Variants in ZNF169 observed in about 807,000 individuals in gnomAD.
ZNF169 encodes zinc finger protein 169.
ZNF169 carries 11 observed loss-of-function variants against 12.0 expected under a neutral mutation model. The ratio of observed to expected loss-of-function variants is 0.92; its 90% CI spans 0.58 to 1.52. The LOEUF is 1.52. Ranked by LOEUF, ZNF169 falls within the 40% of genes most tolerant of loss-of-function variation. The pLI is 0.00. For missense variants in ZNF169, 722 were observed against 744.0 expected (o/e 0.97, Z 0.34); for synonymous variants, 302 against 286.5 (o/e 1.05, Z -0.55).
In ZNF169 at chr9:94,301,063, C is replaced by G; in HGVS notation, c.1505C>G (p.Thr502Ser). 5 of 1,612,906 alleles carry G rather than the reference C, an allele frequency of 3.1e-6. No individual in the cohort carries two copies. Among genetic ancestry groups the G allele is most frequent in the Non-Finnish European group, 3.4e-6 (4 of 1,179,722 alleles). The change falls in exon 5 of 5, where the codon ACC becomes AGC. Residue 502 changes from threonine to serine, a missense_variant. Transcript: ENST00000395395. ...GRAFGFKSLL[T>S]RHQRTHSEEE... ...GCATTTGGCTTTAAGTCGCTCCTCA[C>G]CCGACACCAGAGGACACACTCAGAG...
At chr9:94,279,509 G>A (rs145769267) in intron 2 of ZNF169, among the ~76,000 whole-genome samples, 195 of 151,962 alleles carry the variant, frequency 1.3e-3, no homozygotes, top group African/African-American at 2.9e-3. Context: ...GGACAGTGGC[G>A]CGTGCCTGTA....
intron 2 of ZNF169, among the ~76,000 whole-genome samples, chr9:94,281,168 A>C (rs1476513058): frequency 1.3e-5 from 2 of 152,212 alleles, no homozygotes; most frequent in Non-Finnish European, 2.9e-5. Context: ...GTCAAAAACC[A>C]CTTGTTGCAT....
chr9:94,299,563 A>G, intron 4 of ZNF169: 5 of 1,339,096 alleles, frequency 3.7e-6, no homozygotes, highest in Non-Finnish European at 4.8e-6. Context: ...CCAAGAAAGG[A>G]AGATAAATGT....
chr9:94,290,309 A>G (rs1402285591), intron 2 of ZNF169, among the ~76,000 whole-genome samples: 1 of 152,234 alleles, frequency 6.6e-6, no homozygotes, highest in Non-Finnish European at 1.5e-5. Flanking sequence ...CAGTGGCATT[A>G]AGTACATTCA....
rs76382829 is a variant in ZNF169, at chr9:94,284,582, T to C, written c.33+5737T>C. 6.3e-3 allele frequency among the ~76,000 whole-genome samples: 956 copies of C among 152,172 alleles called. 12 individuals carry two copies. The highest frequency in any genetic ancestry group is 0.022 in the African/African-American group (909 of 41,522). On this transcript the variant is annotated intron_variant, in intron 2 of 4. Coordinates refer to ENST00000395395, the MANE Select transcript of ZNF169 (RefSeq NM_194320.4). ...AGGATACAAAGTAAACACACAAAAA[T>C]CTGTTGTATTTCTGTACATTTGCAA...
In ZNF169 at chr9:94,301,718, A is replaced by T. The variant is rs546112735; in HGVS notation, c.*348A>T. On this transcript the variant is annotated 3_prime_UTR_variant, in exon 5 of 5. Coordinates refer to ENST00000395395, the MANE Select transcript of ZNF169 (RefSeq NM_194320.4). ...CTCACGTGGGCTTTTTTCTGTGTGT[A>T]TGCTTTCCTGGTGTGGCTTCCTCCT... is the stretch of plus-strand genomic sequence containing the variant. 3.6e-4 allele frequency among the ~76,000 whole-genome samples: 55 copies of T among 152,168 alleles called. No individual in the cohort carries two copies. Among genetic ancestry groups the T allele is most frequent in the African/African-American group, 1.3e-3 (54 of 41,504 alleles).
intron 1 of ZNF169, among the ~76,000 whole-genome samples, chr9:94,270,897 TAATA>T (rs1172398151): frequency 9.7e-5 from 2 of 20,724 alleles, no homozygotes; most frequent in Non-Finnish European, 1.6e-4. Flanking sequence ...ATATATATAA[TAATA>T]TATATATTAT....
At chr9:94,267,497 C>T (rs1162524489) in intron 1 of ZNF169, among the ~76,000 whole-genome samples, 1 of 152,188 alleles carries the variant, frequency 6.6e-6, no homozygotes, top group Non-Finnish European at 1.5e-5. Flanking sequence ...TAAGAATACT[C>T]ACAGATAGTT....
At chr9:94,282,045 C>CA (rs1830649057) in intron 2 of ZNF169, among the ~76,000 whole-genome samples, 1 of 152,082 alleles carries the variant, frequency 6.6e-6, no homozygotes, top group African/African-American at 2.4e-5. Context: ...GGATTTTTCC[C>CA]ACAAGAGACT....
chr9:94,266,445 T>C (rs1830295550), intron 1 of ZNF169, among the ~76,000 whole-genome samples: 1 of 152,200 alleles, frequency 6.6e-6, no homozygotes, highest in Non-Finnish European at 1.5e-5. Context: ...TTGTTCCCAG[T>C]AGCAGTCTCT....
At chr9:94,292,016 A>C (rs1830850189) in intron 2 of ZNF169, among the ~76,000 whole-genome samples, 1 of 152,260 alleles carries the variant, frequency 6.6e-6, no homozygotes, top group South Asian at 2.1e-4. Context: ...GCTATTTTAG[A>C]ATAGCTAAAT....
chr9:94,301,124 A>T lies in ZNF169; in HGVS notation c.1566A>T (p.Gly522=), dbSNP rs776132485. The T allele has an allele frequency of 1.4e-5, 22 of 1,613,666 alleles. No homozygotes were observed. The East Asian group carries it at 4.7e-4, about 34-fold the overall frequency. The part of the protein sequence containing the change: ...ELYVDRVCGQ[G]LGQKSHLISD... ...ACGTAGACAGGGTGTGTGGACAAGG[A>T]CTTGGCCAGAAGTCACACCTTATCT... Residue 522 remains glycine (G), a synonymous_variant, in exon 5 of 5, where the codon GGA becomes GGT. Coordinates refer to ENST00000395395, the MANE Select transcript of ZNF169 (RefSeq NM_194320.4).
intron 2 of ZNF169, among the ~76,000 whole-genome samples, chr9:94,280,420 T>A (rs1356184801): frequency 6.6e-6 from 1 of 152,218 alleles, no homozygotes; most frequent in Non-Finnish European, 1.5e-5. Flanking sequence ...CTCTTCCACT[T>A]CCTGTGGAAT....
chr9:94,276,561 T>C (rs1233656693), intron 1 of ZNF169, among the ~76,000 whole-genome samples: 1 of 151,966 alleles, frequency 6.6e-6, no homozygotes, highest in African/African-American at 2.4e-5. Context: ...GCCTGGCCAA[T>C]TTTTGTATTT....
intron 1 of ZNF169, among the ~76,000 whole-genome samples, chr9:94,264,534 T>C (rs1448912471): frequency 6.6e-6 from 1 of 152,168 alleles, no homozygotes; most frequent in African/African-American, 2.4e-5. Flanking sequence ...CCACAGAAAA[T>C]CCAAGGTTCC....
In ZNF169 at chr9:94,301,381, C is replaced by T; in HGVS notation, c.*11C>T. 1 of 1,582,968 alleles carries T rather than the reference C, an allele frequency of 6.3e-7. No individual in the cohort carries two copies. Among genetic ancestry groups the T allele is most frequent in the African/African-American group, 1.4e-5 (1 of 74,020 alleles). ...CAAGAGGTCTTCTGACCTTTCCTTT[C>T]CCCGTGAGTGTGAAGCTGGCAGAAA... On this transcript the variant is annotated 3_prime_UTR_variant, in exon 5 of 5. Coordinates refer to ENST00000395395, the MANE Select transcript of ZNF169 (RefSeq NM_194320.4).
chr9:94,260,556 T>C (rs540368459), intron 1 of ZNF169, among the ~76,000 whole-genome samples: 8 of 152,038 alleles, frequency 5.3e-5, no homozygotes, highest in African/African-American at 1.9e-4. Context: ...GTTGGTGAGT[T>C]GAGAAGGGCT....
chr9:94,283,440 C>T (rs1250760473), intron 2 of ZNF169, among the ~76,000 whole-genome samples: 2 of 152,072 alleles, frequency 1.3e-5, no homozygotes, highest in Admixed American at 6.6e-5. Flanking sequence ...GTAGGGAAAT[C>T]CAGGCCTCTG....
At chr9:94,266,979 G>A (rs557992648) in intron 1 of ZNF169, among the ~76,000 whole-genome samples, 69 of 151,372 alleles carry the variant, frequency 4.6e-4, no homozygotes, top group African/African-American at 1.6e-3. Flanking sequence ...CGCGATCTTG[G>A]CTCACTGCAA....
Sources: gnomAD v4.1 joint callset for allele counts (sites outside exome capture counted in the v4.1 genomes callset) on GRCh38, gnomAD v4.1.1 for gene constraint, MANE v1.5 for transcripts, NCBI Gene and HGNC (gene_info 2026-07-23, HGNC 2026-07-21) for gene names.